The following SCRIB variants were observed in gnomAD, a reference collection of about 807,000 sequenced individuals.
SCRIB encodes protein scribble homolog.
Under a neutral mutation model 170.0 loss-of-function variants are expected in SCRIB, and 72 were observed. The observed-to-expected ratio is 0.42, with a 90% CI of 0.35 to 0.52. SCRIB has a LOEUF of 0.52. Ranked by LOEUF, SCRIB falls within the 20% of genes least tolerant of loss-of-function variation. The pLI is 0.02. For synonymous variants in SCRIB, 1,298 were observed against 1,044.3 expected, an observed-to-expected ratio of 1.24 and a Z score of -4.68; for missense variants, 2,475 against 2,338.5, an observed-to-expected ratio of 1.06 and a Z score of -1.20.
At chr8:143,804,190 G>A (rs375857346) in intron 21 of SCRIB, 34 bp from the exon 22 acceptor site, 168 of 1,487,302 alleles carry the variant, frequency 1.1e-4, no homozygotes, top group South Asian at 1.7e-4. Flanking sequence ...GACAGGCCTC[G>A]GTCAGGACAG....
intron 11 of SCRIB, 27 bp downstream of exon 11, chr8:143,810,879 G>A (rs747374450): frequency 2.1e-5 from 34 of 1,609,360 alleles, no homozygotes; most frequent in Admixed American, 8.3e-5. Flanking sequence ...GCCACCCCGC[G>A]CTAAGCACCG....
chr8:143,791,550 G>A (rs1018668826), intron 35 of SCRIB, 110 bp from the exon 36 acceptor site: 7 of 1,556,526 alleles, frequency 4.5e-6, no homozygotes, highest in South Asian at 1.1e-5. Flanking sequence ...TGAAGGGGGA[G>A]GGGGGGTGAA....
intron 27 of SCRIB, 141 bp downstream of exon 27, chr8:143,794,897 C>T (rs1419700981): frequency 2.8e-6 from 2 of 710,246 alleles, no homozygotes; most frequent in African/African-American, 3.5e-5. Context: ...GCTGGGGTAG[C>T]CTGCAGGTCA....
rs200346169 is a variant in SCRIB at position 143,804,138 on chromosome 8, C to T, written c.3028G>A (p.Ala1010Thr). ...YPVEEIRLPR[A>T]GGPLGLSIVG... ...ATACTAAGCCCCAGAGGGCCCCCAG[C>T]TCTTGGCAGACGGATCTCCTGGGGA... Residue 1010 changes from alanine (A) to threonine (T), a missense_variant, in exon 22 of 37, where the codon GCT becomes ACT. Around this residue, in one of 3 missense-constraint regions of SCRIB, gnomAD observed 1,966 missense variants for 1,742.9 expected, o/e 1.13. Coordinates refer to ENST00000356994, the MANE Select transcript of SCRIB (RefSeq NM_182706.5). 9 of 1,611,118 alleles carry T rather than the reference C, an allele frequency of 5.6e-6. No homozygotes were observed. Among genetic ancestry groups the T allele is most frequent in the Non-Finnish European group, 3.4e-6 (4 of 1,178,572 alleles).
chr8:143,811,616 G>T (rs564882554), intron 9 of SCRIB, among the ~76,000 whole-genome samples: 7 of 152,218 alleles, frequency 4.6e-5, no homozygotes, highest in Admixed American at 2.0e-4. Context: ...TCCCATGGGT[G>T]CCCTGGACTG....
At chr8:143,801,125 G>A (rs1339244737) in intron 24 of SCRIB, among the ~76,000 whole-genome samples, 6 of 152,246 alleles carry the variant, frequency 3.9e-5, no homozygotes, top group African/African-American at 1.4e-4. Context: ...ACAGGGCTTG[G>A]AGCCTACAGG....
intron 1 of SCRIB, among the ~76,000 whole-genome samples, chr8:143,814,551 G>A (rs1358668681): frequency 1.3e-5 from 2 of 152,120 alleles, no homozygotes; most frequent in Admixed American, 6.5e-5. Flanking sequence ...CAGTACCACA[G>A]GCACAGTGCT....
rs1261701387 is a variant in SCRIB, at chr8:143,803,843, T to C, written c.3218A>G (p.Glu1073Gly). Residue 1073 changes from glutamate (E) to glycine (G), a missense_variant, in exon 23 of 37, where the codon GAA (glutamate) becomes GGA (glycine). Coordinates refer to ENST00000356994, the MANE Select transcript of SCRIB (RefSeq NM_182706.5). Reference sequence around the variant, plus strand: ...GGGCCGGAGCAGGGCACTGACTGCTTCTTGGTGCGTGGCATCCCGCACGTC... The same window carrying C: ...GGGCCGGAGCAGGGCACTGACTGCTCCTTGGTGCGTGGCATCCCGCACGTC... ...GQDVRDATHQ[E>G]AVSALLRPCL... 1 of 1,603,066 alleles carries C rather than the reference T, an allele frequency of 6.2e-7. No individual in the cohort carries two copies. Among genetic ancestry groups the C allele is most frequent in the African/African-American group, 1.3e-5 (1 of 74,860 alleles).
At chr8:143,811,481 C>T (rs2130131448) in intron 9 of SCRIB, 136 bp from the exon 10 acceptor site, 1 of 734,690 alleles carries the variant, frequency 1.4e-6, no homozygotes, top group Non-Finnish European at 2.2e-6. Context: ...GAGACCGGGA[C>T]AAGGACCTGA....
chr8:143,806,541 CCTT>C, intron 17 of SCRIB, 57 bp from the exon 18 acceptor site: 2 of 1,415,994 alleles, frequency 1.4e-6, no homozygotes, highest in Middle Eastern at 1.8e-4. Flanking sequence ...CATTCCTGCT[CCTT>C]CTGCAGAAGA....
intron 28 of SCRIB, 56 bp downstream of exon 28, chr8:143,793,844 C>G: frequency 6.4e-7 from 1 of 1,563,698 alleles, no homozygotes; most frequent in South Asian, 1.1e-5. Context: ...GCACAGCGGC[C>G]ATCTGCCCTG....
chr8:143,814,765 G>A (rs565696460), intron 1 of SCRIB: 28 of 173,318 alleles, frequency 1.6e-4, no homozygotes, highest in Non-Finnish European at 2.2e-4. Context: ...AGAAGCAAGG[G>A]TAAAGAAAGG....
rs117898248 is a variant in SCRIB, at chr8:143,802,586, C to G, written c.3603+797G>C. Among the ~76,000 whole-genome samples, 4 of 152,390 alleles carry G rather than the reference C, an allele frequency of 2.6e-5. No individual in the cohort carries two copies. In the East Asian group the frequency reaches 7.7e-4, roughly 29 times the overall value. On this transcript the variant is annotated intron_variant, in intron 24 of 36. Coordinates refer to ENST00000356994, the MANE Select transcript of SCRIB (RefSeq NM_182706.5). ...GGCGCTGGCCCTCCCGGGACCCACC[C>G]TCTTGTGGCCCTGCAGGCCACTCCA... is the stretch of plus-strand genomic sequence containing the variant.
rs1463346293 is a variant in SCRIB at position 143,796,623 on chromosome 8, C to A, written c.3604-1093G>T. ...CTGTAAGCGCTCAACAAGGAAGCAG[C>A]TAAACACAGAAAGCAAAGACTAGAA... On this transcript the variant is annotated intron_variant, in intron 24 of 36. Coordinates refer to ENST00000356994, the MANE Select transcript of SCRIB (RefSeq NM_182706.5). Among the ~76,000 whole-genome samples the A allele has an allele frequency of 3.3e-5, 5 of 152,180 alleles. No homozygotes were observed. The South Asian group carries it at 6.2e-4, about 19-fold the overall frequency.
chr8:143,796,633 A>T (rs1239285183), intron 24 of SCRIB, among the ~76,000 whole-genome samples: 2 of 152,226 alleles, frequency 1.3e-5, no homozygotes, highest in Non-Finnish European at 2.9e-5. Flanking sequence ...CTAAACACAG[A>T]AAGCAAAGAC....
intron 18 of SCRIB, 124 bp downstream of exon 18, chr8:143,806,283 T>G (rs1815420650): frequency 1.4e-6 from 1 of 738,984 alleles, no homozygotes. Flanking sequence ...CCCGGAAGTC[T>G]GGGTGTCCTG....
chr8:143,810,614 G>A lies in SCRIB; in HGVS notation c.1405-10C>T, dbSNP rs1256892017. 10 of 1,610,906 alleles carry A rather than the reference G, an allele frequency of 6.2e-6. No individual in the cohort carries two copies. Among genetic ancestry groups the A allele is most frequent in the African/African-American group, 1.3e-5 (1 of 74,970 alleles). On this transcript the variant is annotated splice_polypyrimidine_tract_variant and intron_variant, in intron 12 of 36. Transcript: ENST00000356994. ...CCCGGCGCTGTAGGCCCTGTTGTAG[G>A]GACAAGGATGAGCAGCAGCCACAGG...
At chr8:143,804,414 C>T (rs1423529082) in intron 21 of SCRIB, among the ~76,000 whole-genome samples, 154 bp downstream of exon 21, 5 of 152,258 alleles carry the variant, frequency 3.3e-5, no homozygotes, top group Non-Finnish European at 5.9e-5. Context: ...GGCTGTGGGG[C>T]AGAGCCCCAG....
rs782766491 is a variant in SCRIB, at chr8:143,792,815, C to T, written c.4070G>A (p.Arg1357Gln). The change falls in exon 30 of 37, where the codon CGG (arginine) becomes CAG (glutamine). Residue 1357 changes from arginine to glutamine, a missense_variant. Arg to Gln is a conservative substitution (Grantham distance 43). This residue lies in a region of SCRIB where 1,966 missense variants were observed against 1,742.9 expected (regional missense o/e 1.13). Coordinates refer to ENST00000356994, the MANE Select transcript of SCRIB (RefSeq NM_182706.5). Reference protein sequence around the residue: ...ASPEQLSFRERQKYFELEVRV... With the variant: ...ASPEQLSFREQQKYFELEVRV... ...CACCTCCAGCTCAAAGTACTTCTGC[C>T]GCTCCCGGAAGGACAGCTGCTCCGG... 49 of 1,554,766 alleles carry T rather than the reference C, an allele frequency of 3.2e-5. No individual in the cohort carries two copies. Among genetic ancestry groups the T allele is most frequent in the Admixed American group, 5.5e-5 (3 of 55,020 alleles).
Sources: gnomAD v4.1 joint callset for allele counts (sites outside exome capture counted in the v4.1 genomes callset) on GRCh38, gnomAD v4.1.1 for gene constraint, gnomAD v4.1.1 regional missense constraint, MANE v1.5 for transcripts, NCBI Gene and HGNC (gene_info 2026-07-23, HGNC 2026-07-21) for gene names.